TCF4: variants seen among roughly 807,000 people sequenced by gnomAD.
The protein encoded by TCF4 is SL3-3 enhancer factor 2.
In TCF4, 3 loss-of-function variants were observed where a neutral mutation model predicts 82.1. The ratio of observed to expected loss-of-function variants is 0.04; its 90% confidence interval spans 0.02 to 0.09. The LOEUF is 0.09. Ranked by LOEUF, TCF4 falls within the 10% of genes least tolerant of loss-of-function variation. The probability of loss-of-function intolerance (pLI) is 1.00; values close to 1 mark genes in which losing one functional copy is unlikely to be tolerated. For missense variants in TCF4, 518 were observed against 852.7 expected (o/e 0.61, Z 4.89); for synonymous variants, 276 against 309.6 (o/e 0.89, Z 1.14).
chr18:55,486,897 T>A (rs2145715564), intron 3 of TCF4, among the ~76,000 whole-genome samples: 1 of 152,144 alleles, frequency 6.6e-6, no homozygotes, highest in African/African-American at 2.4e-5. Flanking sequence ...CCCCCTCCCC[T>A]CCTTTCCTCT....
At chr18:55,274,724 A>G (rs2061120545) in intron 10 of TCF4, among the ~76,000 whole-genome samples, 1 of 152,222 alleles carries the variant, frequency 6.6e-6, no homozygotes, top group African/African-American at 2.4e-5. Context: ...TGAGGTCCAC[A>G]TATTGTTTAA....
chr18:55,549,784 TAGA>T, intron 3 of TCF4, among the ~76,000 whole-genome samples: 1 of 152,114 alleles, frequency 6.6e-6, no homozygotes, highest in Non-Finnish European at 1.5e-5. Flanking sequence ...ATAAGAAATA[TAGA>T]TAGGAATTTT....
intron 3 of TCF4, among the ~76,000 whole-genome samples, chr18:55,540,828 T>C (rs1781315101): frequency 1.3e-5 from 2 of 152,180 alleles, no homozygotes; most frequent in East Asian, 1.9e-4. Context: ...CAGGCCTTCA[T>C]TCAGTCTTTC....
intron 8 of TCF4, among the ~76,000 whole-genome samples, chr18:55,340,583 CAAAAAA>C (rs11428164): frequency 1.5e-5 from 1 of 65,452 alleles, no homozygotes; most frequent in East Asian, 4.0e-4. Flanking sequence ...GACCCCATCT[CAAAAAA>C]AAAAAAAAAA....
chr18:55,438,987 G>C (rs1189400965), intron 5 of TCF4, among the ~76,000 whole-genome samples: 1 of 152,196 alleles, frequency 6.6e-6, no homozygotes, highest in African/African-American at 2.4e-5. Context: ...ATTGACAGAG[G>C]CCAAGAGAAG....
intron 6 of TCF4, among the ~76,000 whole-genome samples, chr18:55,379,124 T>C (rs1303216359): frequency 1.3e-5 from 2 of 152,244 alleles, no homozygotes; most frequent in African/African-American, 4.8e-5. Flanking sequence ...TGTGATTAAG[T>C]ATACCAGTAG....
upstream of TCF4, chr18:55,588,773 G>A: frequency 8.9e-7 from 1 of 1,123,624 alleles, no homozygotes; most frequent in East Asian, 3.2e-5. Flanking sequence ...CGTTGGGGGC[G>A]AAATCTGAAT....
At position 55,226,066 on chromosome 18, in the gene TCF4, TAAC is replaced by T. The variant is rs941685851; in HGVS notation, c.*1966_*1968del. 2.6e-5 allele frequency: 4 copies of T among 152,514 alleles called. No homozygotes were observed. Among genetic ancestry groups the T allele is most frequent in the South Asian group, 2.1e-4 (1 of 4,828 alleles). The allele number at this position is 152,514 out of a possible 1,614,324, so 9.4% of individuals were successfully genotyped here. A position where few individuals can be genotyped will look rare whatever the true frequency, so the allele number is the denominator to read the frequency against. ...TGATACAATGTATTAAAACACATAATAACAAGAGTCTACATGTAAAAATATAAC... is the reference window on the plus strand; with the variant it reads ...TGATACAATGTATTAAAACACATAATAAGAGTCTACATGTAAAAATATAAC... On this transcript the variant is annotated 3_prime_UTR_variant, in exon 20 of 20. Coordinates refer to ENST00000354452, the MANE Select transcript of TCF4 (RefSeq NM_001083962.2).
chr18:55,426,338 C>G (rs958264455), intron 5 of TCF4, among the ~76,000 whole-genome samples: 3 of 152,116 alleles, frequency 2.0e-5, no homozygotes, highest in Non-Finnish European at 4.4e-5. Flanking sequence ...CACAGAAAAT[C>G]TGTTCCACTT....
intron 19 of TCF4, 32 bp from the exon 20 acceptor site, chr18:55,228,062 T>C (rs965094474): frequency 1.1e-6 from 1 of 909,654 alleles, no homozygotes; most frequent in African/African-American, 1.7e-5. Flanking sequence ...AAAAAATTCA[T>C]TAATATATTT....
intron 8 of TCF4, among the ~76,000 whole-genome samples, chr18:55,308,327 C>T (rs1200936945): frequency 6.6e-6 from 1 of 152,158 alleles, no homozygotes; most frequent in African/African-American, 2.4e-5. Flanking sequence ...ATATTGCATG[C>T]TGCTGGGGAC....
chr18:55,450,044 T>C (rs1268231058), intron 5 of TCF4, among the ~76,000 whole-genome samples: 1 of 152,208 alleles, frequency 6.6e-6, no homozygotes, highest in Non-Finnish European at 1.5e-5. Context: ...CTTTACGTTA[T>C]TTCTTTTAAA....
intron 2 of TCF4, among the ~76,000 whole-genome samples, chr18:55,621,600 T>A (rs1167334327): frequency 4.6e-4 from 5 of 10,904 alleles, no homozygotes; most frequent in South Asian, 2.6e-3. Flanking sequence ...TATTATATAT[T>A]ATGTACATTA....
intron 6 of TCF4, among the ~76,000 whole-genome samples, chr18:55,377,526 T>C (rs905290055): frequency 1.3e-5 from 2 of 152,362 alleles, no homozygotes; most frequent in South Asian, 4.1e-4. Context: ...TTATTTTAAG[T>C]AGTTGTACTT....
At chr18:55,247,725 A>C (rs2053723102) in intron 15 of TCF4, among the ~76,000 whole-genome samples, 1 of 152,158 alleles carries the variant, frequency 6.6e-6, no homozygotes, top group Non-Finnish European at 1.5e-5. Context: ...GGGAGTCCAA[A>C]CTTTTTTTCA....
chr18:55,460,947 G>C (rs1431557036), intron 5 of TCF4, 72 bp downstream of exon 5: 1 of 1,327,790 alleles, frequency 7.5e-7, no homozygotes, highest in Non-Finnish European at 1.1e-6. Context: ...CCTCTGTCTA[G>C]GACATGGTTT....
chr18:55,529,323 T>C (rs2097030869), intron 3 of TCF4, among the ~76,000 whole-genome samples: 1 of 152,242 alleles, frequency 6.6e-6, no homozygotes, highest in Non-Finnish European at 1.5e-5. Flanking sequence ...AGCTACAGTT[T>C]AGATTTTCTC....
At chr18:55,372,065 T>C (rs907754884) in intron 6 of TCF4, among the ~76,000 whole-genome samples, 18 of 152,198 alleles carry the variant, frequency 1.2e-4, no homozygotes, top group African/African-American at 2.2e-4. Flanking sequence ...TAAAGTTCCA[T>C]ATAAAGGGGT....
intron 5 of TCF4, among the ~76,000 whole-genome samples, chr18:55,418,818 T>G (rs2094616962): frequency 6.6e-6 from 1 of 152,190 alleles, no homozygotes; most frequent in Admixed American, 6.5e-5. Context: ...ATTATACATT[T>G]TTACTTTTTA....
Sources: allele counts gnomAD v4.1 joint callset (sites outside exome capture counted in the v4.1 genomes callset), GRCh38; gene constraint gnomAD v4.1.1; transcripts MANE v1.5; gene names NCBI Gene and HGNC (gene_info 2026-07-23, HGNC 2026-07-21).